The following SNX24 variants were observed in gnomAD, a reference collection of about 807,000 sequenced individuals.
SNX24 encodes the protein sorting nexin 24.
SNX24 carries 22 observed loss-of-function variants against 28.7 expected under a neutral mutation model. That is an observed-to-expected ratio of 0.77 (90% CI 0.55 to 1.10). The LOEUF (loss-of-function observed/expected upper bound fraction) is 1.10. Ranked by LOEUF, SNX24 falls within the 50% of genes least tolerant of loss-of-function variation. SNX24 has a pLI of 0.00. For missense variants in SNX24, 221 were observed against 201.1 expected, an observed-to-expected ratio of 1.10 and a Z score of -0.60; for synonymous variants, 69 against 71.5, an observed-to-expected ratio of 0.96 and a Z score of 0.18.
At chr5:122,955,395 A>G (rs879787063) in intron 3 of SNX24, among the ~76,000 whole-genome samples, 2 of 152,190 alleles carry the variant, frequency 1.3e-5, no homozygotes, top group Non-Finnish European at 2.9e-5. Context: ...GTTGGAATCT[A>G]TTGATTAGCT....
intron 1 of SNX24, among the ~76,000 whole-genome samples, chr5:122,853,416 C>T (rs558404343): frequency 2.6e-5 from 4 of 152,078 alleles, no homozygotes; most frequent in East Asian, 3.9e-4. Context: ...CGTGAGCCAC[C>T]GCGCCCGGCG....
Position 122,972,849 on chromosome 5 carries a change from A to G in SNX24, c.249+26690A>G, listed in dbSNP as rs538767355. Among the ~76,000 whole-genome samples the G allele has an allele frequency of 5.4e-4, 83 of 152,316 alleles. No individual in the cohort carries two copies. In the South Asian group the frequency reaches 0.012, roughly 21 times the overall value. On this transcript the variant is annotated intron_variant, in intron 3 of 6. Transcript: ENST00000261369. The stretch of plus-strand genomic sequence containing the variant: ...TCACCCCAAGGAATGGTGCCATATC[A>G]CGGGCTCAGTGATAGTCTCTGCTGC...
chr5:122,955,261 A>G (rs796492605), intron 3 of SNX24, among the ~76,000 whole-genome samples: 6 of 152,140 alleles, frequency 3.9e-5, no homozygotes, highest in African/African-American at 1.4e-4. Flanking sequence ...GAGATTTTAT[A>G]TATGTCTTCA....
intron 1 of SNX24, among the ~76,000 whole-genome samples, chr5:122,923,359 A>T (rs991869394): frequency 2.0e-5 from 3 of 146,436 alleles, no homozygotes; most frequent in Non-Finnish European, 4.5e-5. Flanking sequence ...AATTAAAATT[A>T]AAAAAAAAAA....
At chr5:122,911,320 G>T (rs1448003813) in intron 1 of SNX24, among the ~76,000 whole-genome samples, 4 of 152,016 alleles carry the variant, frequency 2.6e-5, no homozygotes, top group Admixed American at 6.6e-5. Flanking sequence ...GGGGTTGTTT[G>T]TTTTTTTCTT....
chr5:122,924,800 A>C (rs1758606370), intron 1 of SNX24, among the ~76,000 whole-genome samples: 1 of 152,180 alleles, frequency 6.6e-6, no homozygotes, highest in South Asian at 2.1e-4. Context: ...GATAAGCAAC[A>C]TCTGTAAGGA....
At position 122,923,318 on chromosome 5, in the gene SNX24, G is replaced by A. The variant is rs371559428; in HGVS notation, c.61-13416G>A. Among the ~76,000 whole-genome samples, 36 of 150,720 alleles carry A rather than the reference G, an allele frequency of 2.4e-4. 1 individual carries two copies. The highest frequency in any genetic ancestry group is 8.8e-4 in the African/African-American group (36 of 40,938). On this transcript the variant is annotated intron_variant, in intron 1 of 6. Coordinates refer to ENST00000261369, the MANE Select transcript of SNX24 (RefSeq NM_014035.4). ...TACACCACTGCACTGCAGCCTGGGT[G>A]ACAGAGTGAGACCCCATCTCTAAAA...
intron 5 of SNX24, among the ~76,000 whole-genome samples, chr5:123,016,474 A>G (rs897387637): frequency 3.9e-5 from 6 of 152,188 alleles, no homozygotes; most frequent in Non-Finnish European, 8.8e-5. Context: ...TGGGCAAACT[A>G]TGCAATTTAG....
At chr5:122,873,202 C>T (rs1756061989) in intron 1 of SNX24, among the ~76,000 whole-genome samples, 1 of 151,946 alleles carries the variant, frequency 6.6e-6, no homozygotes, top group South Asian at 2.1e-4. Context: ...CTCAAACTCC[C>T]GGGCTTGAGT....
Position 122,845,694 on chromosome 5 carries a change from G to A in SNX24, c.60+1G>A. 7.1e-7 allele frequency: 1 copy of A among 1,402,168 alleles called. No individual in the cohort carries two copies. The allele number at this position is 1,402,168 out of a possible 1,614,324, so 86.9% of individuals were successfully genotyped here. A position where few individuals can be genotyped will look rare whatever the true frequency, so the allele number is the denominator to read the frequency against. The stretch of plus-strand genomic sequence containing the variant: ...GAGCGACCTGGAGCGGGGATACACG[G>A]TAGGCGCGGGCCGCGGGCGGACAGG... On this transcript the variant is annotated splice_donor_variant, in intron 1 of 6. Coordinates refer to ENST00000261369, the MANE Select transcript of SNX24 (RefSeq NM_014035.4). LOFTEE classifies it high-confidence loss of function.
intron 5 of SNX24, among the ~76,000 whole-genome samples, chr5:123,014,466 G>A (rs539360265): frequency 2.7e-5 from 4 of 149,894 alleles, no homozygotes; most frequent in East Asian, 3.9e-4. Flanking sequence ...ATAGTTGTGC[G>A]GCCTATGTGC....
intron 3 of SNX24, among the ~76,000 whole-genome samples, chr5:122,963,947 G>C (rs1760595285): frequency 6.6e-6 from 1 of 151,968 alleles, no homozygotes; most frequent in Admixed American, 6.6e-5. Context: ...CATCCACTTA[G>C]AACAATAGTT....
At chr5:122,990,165 A>G (rs910019481) in intron 3 of SNX24, among the ~76,000 whole-genome samples, 2 of 152,204 alleles carry the variant, frequency 1.3e-5, no homozygotes, top group Non-Finnish European at 2.9e-5. Context: ...TACACATCTT[A>G]TAAGTCTGTT....
chr5:122,995,599 C>T (rs546836242), intron 3 of SNX24, among the ~76,000 whole-genome samples: 1 of 152,316 alleles, frequency 6.6e-6, no homozygotes, highest in Non-Finnish European at 1.5e-5. Flanking sequence ...CGCACATAAA[C>T]AGCTACTCTC....
chr5:122,916,362 A>G (rs191604356), intron 1 of SNX24, among the ~76,000 whole-genome samples: 11 of 152,176 alleles, frequency 7.2e-5, no homozygotes, highest in Non-Finnish European at 1.3e-4. Flanking sequence ...CTTCTGGTAC[A>G]TTTCCTTGGC....
intron 3 of SNX24, among the ~76,000 whole-genome samples, chr5:122,953,176 C>T (rs932743943): frequency 6.6e-6 from 1 of 151,684 alleles, no homozygotes; most frequent in Non-Finnish European, 1.5e-5. Flanking sequence ...ACAATCTCAG[C>T]TCACTGTAAC....
At chr5:122,856,208 A>G (rs1755183296) in intron 1 of SNX24, among the ~76,000 whole-genome samples, 1 of 152,066 alleles carries the variant, frequency 6.6e-6, no homozygotes, top group African/African-American at 2.4e-5. Flanking sequence ...CTCACTTACA[A>G]GTGAGAATGT....
intron 3 of SNX24, among the ~76,000 whole-genome samples, chr5:122,970,478 C>CT (rs965069980): frequency 5.9e-5 from 9 of 151,850 alleles, no homozygotes; most frequent in South Asian, 2.1e-4. Flanking sequence ...CTGCACAAAT[C>CT]TTTTTTTTGA....
intron 1 of SNX24, among the ~76,000 whole-genome samples, chr5:122,856,638 C>A (rs578149156): frequency 6.6e-6 from 1 of 151,390 alleles, no homozygotes; most frequent in East Asian, 2.0e-4. Context: ...GCCTTAGCCT[C>A]CCTAGTAGCT....
Sources: gnomAD v4.1 joint callset for allele counts (sites outside exome capture counted in the v4.1 genomes callset) on GRCh38, gnomAD v4.1.1 for gene constraint, MANE v1.5 for transcripts, NCBI Gene and HGNC (gene_info 2026-07-23, HGNC 2026-07-21) for gene names.